Variants in RAP1B observed in about 807,000 individuals in gnomAD.
RAP1B encodes ras-related protein Rap-1b.
Under a neutral mutation model 27.5 loss-of-function variants are expected in RAP1B, and 1 was observed. That is an observed-to-expected ratio of 0.04 (90% CI 0.01 to 0.17). The LOEUF (loss-of-function observed/expected upper bound fraction) is 0.17. Among genes scored for constraint, RAP1B ranks in the 10% least tolerant of loss-of-function variants. RAP1B has a pLI of 1.00. For synonymous variants in RAP1B, 75 were observed against 73.1 expected (o/e 1.03, Z -0.13); for missense variants, 84 against 214.8 (o/e 0.39, Z 3.81).
intron 1 of RAP1B, among the ~76,000 whole-genome samples, chr12:68,634,596 T>A (rs1872503123): frequency 6.6e-6 from 1 of 152,054 alleles, no homozygotes; most frequent in Non-Finnish European, 1.5e-5. Context: ...TTTTTTTTTT[T>A]ACCTGTTTTT....
chr12:68,628,244 TTTCTC>T (rs1372321066), intron 1 of RAP1B, among the ~76,000 whole-genome samples: 4 of 152,178 alleles, frequency 2.6e-5, no homozygotes, highest in Non-Finnish European at 4.4e-5. Flanking sequence ...TTCTGATAGA[TTTCTC>T]TTCTCCTCTT....
At chr12:68,633,403 T>C (rs532022141) in intron 1 of RAP1B, among the ~76,000 whole-genome samples, 3 of 152,338 alleles carry the variant, frequency 2.0e-5, no homozygotes, top group African/African-American at 7.2e-5. Context: ...TTCTCTTCTC[T>C]GCATCCACAG....
chr12:68,624,324 A>G (rs1211115017), intron 1 of RAP1B, among the ~76,000 whole-genome samples: 1 of 152,154 alleles, frequency 6.6e-6, no homozygotes, highest in African/African-American at 2.4e-5. Flanking sequence ...AAATGTTTAA[A>G]TATTGAGAGC....
intron 1 of RAP1B, among the ~76,000 whole-genome samples, chr12:68,639,330 T>C (rs1239974926): frequency 1.3e-5 from 2 of 152,216 alleles, no homozygotes; most frequent in Non-Finnish European, 2.9e-5. Context: ...AGACAAGGAA[T>C]CTGGAAACCA....
intron 1 of RAP1B, among the ~76,000 whole-genome samples, chr12:68,614,616 T>A (rs1431037782): frequency 6.9e-6 from 1 of 145,282 alleles, no homozygotes; most frequent in African/African-American, 2.4e-5. Context: ...CTCCTGTCAT[T>A]ATTGAGGACT....
At chr12:68,619,250 A>G (rs1402412724) in intron 1 of RAP1B, among the ~76,000 whole-genome samples, 2 of 152,080 alleles carry the variant, frequency 1.3e-5, no homozygotes. Context: ...TTAGGCTGAC[A>G]TTTTCTTGAA....
chr12:68,669,236 C>T lies in RAP1B; in HGVS notation c.*9987C>T, dbSNP rs150486289. ...AAGGCTAAGAAAGAACTATTATAAA[C>T]TCTTATTGAAGGACATAAATCAAGA... is the stretch of plus-strand genomic sequence containing the variant. On this transcript the variant is annotated 3_prime_UTR_variant, in exon 8 of 8. Transcript: ENST00000250559. 17 of 152,238 alleles carry T rather than the reference C, an allele frequency of 1.1e-4. No homozygotes were observed. The highest frequency in any genetic ancestry group is 4.1e-4 in the African/African-American group (17 of 41,532). 9.4% of individuals were successfully genotyped at this position (152,238 alleles called of 1,614,324 possible). A position where few individuals can be genotyped will look rare whatever the true frequency, so the allele number is the denominator to read the frequency against.
chr12:68,634,581 TA>T (rs1261366479), intron 1 of RAP1B, among the ~76,000 whole-genome samples: 2 of 149,074 alleles, frequency 1.3e-5, no homozygotes, highest in African/African-American at 5.0e-5. Context: ...GAGCCTATAT[TA>T]TTATTTTTTT....
chr12:68,625,881 C>T lies in RAP1B; in HGVS notation c.-27+14838C>T, dbSNP rs556775710. ...ATGTTGCAGTGAGCCAAGATCGTGC[C>T]GCTGCACTCCAGTCTGGCGATAGAG... On this transcript the variant is annotated intron_variant, in intron 1 of 7. Coordinates refer to ENST00000250559, the MANE Select transcript of RAP1B (RefSeq NM_001010942.3). Among the ~76,000 whole-genome samples the T allele has an allele frequency of 1.1e-4, 17 of 151,524 alleles. No homozygotes were observed. In the South Asian group the frequency reaches 1.2e-3, roughly 11 times the overall value.
chr12:68,625,950 C>T (rs1871741298), intron 1 of RAP1B, among the ~76,000 whole-genome samples: 2 of 151,728 alleles, frequency 1.3e-5, no homozygotes, highest in African/African-American at 4.8e-5. Flanking sequence ...CAGGTGTATT[C>T]AGGAGTGGTC....
At chr12:68,621,778 G>A (rs1871401973) in intron 1 of RAP1B, among the ~76,000 whole-genome samples, 1 of 152,214 alleles carries the variant, frequency 6.6e-6, no homozygotes, top group Non-Finnish European at 1.5e-5. Flanking sequence ...AAGGTCCTAT[G>A]TAGAGGATAA....
rs142174644 is a variant in RAP1B at position 68,616,438 on chromosome 12, ATTTTTTTTTTT to A, written c.-27+5411_-27+5421del. On this transcript the variant is annotated intron_variant, in intron 1 of 7. Transcript: ENST00000250559. ...TAGCTGGGAATACTGTGCCTGGCTA[ATTTTTTTTTTT>A]TTTTTTTTTTTTTTTGAGACGGAGT... Among the ~76,000 whole-genome samples, 9 of 89,468 alleles carry A rather than the reference ATTTTTTTTTTT, an allele frequency of 1.0e-4. No individual in the cohort carries two copies. The East Asian group carries it at 1.2e-3, about 12-fold the overall frequency. 58.7% of individuals were successfully genotyped at this position (89,468 alleles called of 152,430 possible). A position where few individuals can be genotyped will look rare whatever the true frequency, so the allele number is the denominator to read the frequency against.
At chr12:68,634,747 A>G (rs1217641274) in intron 1 of RAP1B, among the ~76,000 whole-genome samples, 1 of 152,194 alleles carries the variant, frequency 6.6e-6, no homozygotes, top group Non-Finnish European at 1.5e-5. Flanking sequence ...GTATTCTACC[A>G]TACATGATCA....
intron 1 of RAP1B, chr12:68,647,904 A>G (rs1873541077): frequency 6.6e-6 from 1 of 152,206 alleles, no homozygotes; most frequent in Non-Finnish European, 1.5e-5. Flanking sequence ...CCATGACCCA[A>G]AAAACTGTCA....
intron 1 of RAP1B, among the ~76,000 whole-genome samples, chr12:68,615,223 TC>T (rs1870897752): frequency 6.6e-6 from 1 of 152,196 alleles, no homozygotes; most frequent in Non-Finnish European, 1.5e-5. Context: ...AGATTTTTTT[TC>T]CTTTGAATCA....
Position 68,660,965 on chromosome 12 carries a change from A to C in RAP1B, c.*1716A>C, listed in dbSNP as rs984849171. ...CACTTAGAGAATCGATATTTTTCTT[A>C]AATATGCTATAATTGAATTCTGTAA... On this transcript the variant is annotated 3_prime_UTR_variant, in exon 8 of 8. Coordinates refer to ENST00000250559, the MANE Select transcript of RAP1B (RefSeq NM_001010942.3). The C allele has an allele frequency of 1.3e-5, 2 of 152,208 alleles. No homozygotes were observed. Among genetic ancestry groups the C allele is most frequent in the Non-Finnish European group, 2.9e-5 (2 of 68,026 alleles). 9.4% of individuals were successfully genotyped at this position (152,208 alleles called of 1,614,324 possible).
intron 1 of RAP1B, among the ~76,000 whole-genome samples, chr12:68,636,432 GTTGT>G (rs1374498689): frequency 6.6e-5 from 10 of 152,162 alleles, no homozygotes; most frequent in South Asian, 2.1e-4. Context: ...CTGTTTTTTT[GTTGT>G]TTGTTTGTTT....
Position 68,664,935 on chromosome 12 carries a change from TA to T in RAP1B, c.*5688del, listed in dbSNP as rs1342345695. 1 of 152,202 alleles carries T rather than the reference TA, an allele frequency of 6.6e-6. No homozygotes were observed. Among genetic ancestry groups the T allele is most frequent in the Non-Finnish European group, 1.5e-5 (1 of 68,036 alleles). 9.4% of individuals were successfully genotyped at this position (152,202 alleles called of 1,614,324 possible). A position where few individuals can be genotyped will look rare whatever the true frequency, so the allele number is the denominator to read the frequency against. ...CCAACTATTACATCTGGTTGACTAT[TA>T]ACAGGTCAATGTCAGATTTCCTGAG... On this transcript the variant is annotated 3_prime_UTR_variant, in exon 8 of 8. Coordinates refer to ENST00000250559, the MANE Select transcript of RAP1B (RefSeq NM_001010942.3).
chr12:68,613,267 C>G (rs1049325624), intron 1 of RAP1B, among the ~76,000 whole-genome samples: 1 of 151,368 alleles, frequency 6.6e-6, no homozygotes, highest in Non-Finnish European at 1.5e-5. Flanking sequence ...GGCTGAGGCA[C>G]GAGAATATGA....
Sources: allele counts gnomAD v4.1 joint callset (sites outside exome capture counted in the v4.1 genomes callset), GRCh38; gene constraint gnomAD v4.1.1; transcripts MANE v1.5; gene names NCBI Gene and HGNC (gene_info 2026-07-23, HGNC 2026-07-21).